Variants in PITPNC1 observed in about 807,000 individuals in gnomAD.
The protein encoded by PITPNC1 is cytoplasmic phosphatidylinositol transfer protein 1.
Under a neutral mutation model 44.7 loss-of-function variants are expected in PITPNC1, and 18 were observed. The ratio of observed to expected loss-of-function variants is 0.40; its 90% CI spans 0.28 to 0.60. The LOEUF is 0.60. Among genes scored for constraint, PITPNC1 ranks in the 20% least tolerant of loss-of-function variants. The pLI is 0.39. For missense variants in PITPNC1, 290 were observed against 418.4 expected (o/e 0.69, Z 2.68); for synonymous variants, 141 against 149.6 (o/e 0.94, Z 0.42).
intron 1 of PITPNC1, among the ~76,000 whole-genome samples, chr17:67,409,233 C>G (rs570318748): frequency 6.6e-6 from 1 of 150,912 alleles, no homozygotes; most frequent in Non-Finnish European, 1.5e-5. Context: ...TACAGGCGCC[C>G]GCCACCGCGC....
rs148625787 is a variant in PITPNC1, at chr17:67,675,785, T to C, written c.682+243T>C. On this transcript the variant is annotated intron_variant, in intron 8 of 8. Transcript: ENST00000581322. ...GGATGTTTGATGCTTACATAGTTGATACGCATGGCTCCATCATTCTCTGTT... is the reference window on the plus strand; with the variant it reads ...GGATGTTTGATGCTTACATAGTTGACACGCATGGCTCCATCATTCTCTGTT... 1.5e-4 allele frequency among the ~76,000 whole-genome samples: 23 copies of C among 152,356 alleles called. No homozygotes were observed. The East Asian group carries it at 4.2e-3, about 28-fold the overall frequency.
Position 67,620,169 on chromosome 17 carries a change from TC to T in PITPNC1, c.367-11973del, listed in dbSNP as rs2041811831. Among the ~76,000 whole-genome samples the T allele has an allele frequency of 5.9e-5, 9 of 152,224 alleles. No homozygotes were observed. The South Asian group carries it at 1.9e-3, about 32-fold the overall frequency. ...CCCAGACTCAAAAGGTCCTCCTGCC[TC>T]AGCCTCCCAAGTAGCTGGGATCATA... On this transcript the variant is annotated intron_variant, in intron 5 of 8. Transcript: ENST00000581322.
At chr17:67,689,116 C>T (rs572595586) in intron 8 of PITPNC1, among the ~76,000 whole-genome samples, 228 of 152,246 alleles carry the variant, frequency 1.5e-3, no homozygotes, top group African/African-American at 5.4e-3. Flanking sequence ...GCAGGAGAAT[C>T]GTTTGAACCC....
intron 5 of PITPNC1, among the ~76,000 whole-genome samples, chr17:67,583,178 C>G (rs1035780688): frequency 2.6e-5 from 4 of 152,134 alleles, no homozygotes; most frequent in African/African-American, 9.7e-5. Flanking sequence ...GCAGTGTGTG[C>G]AGTTTTAGAG....
intron 4 of PITPNC1, among the ~76,000 whole-genome samples, chr17:67,570,027 G>A (rs2041031951): frequency 6.6e-6 from 1 of 152,194 alleles, no homozygotes; most frequent in African/African-American, 2.4e-5. Context: ...GGACAGGCGT[G>A]CTTTTTTGCC....
At position 67,687,466 on chromosome 17, in the gene PITPNC1, G is replaced by A. The variant is rs76253357; in HGVS notation, c.683-5106G>A. On this transcript the variant is annotated intron_variant, in intron 8 of 8. Coordinates refer to ENST00000581322, the MANE Select transcript of PITPNC1 (RefSeq NM_012417.4). The stretch of plus-strand genomic sequence containing the variant: ...TTTTGTGGGACTAGTAAAACGGCCT[G>A]CACCATAAAAGAGCAGAGGAGTGAA... Among the ~76,000 whole-genome samples the A allele has an allele frequency of 2.6e-5, 4 of 152,322 alleles. No homozygotes were observed. In the East Asian group the frequency reaches 7.7e-4, roughly 29 times the overall value.
At chr17:67,489,945 T>C (rs1161994736) in intron 1 of PITPNC1, among the ~76,000 whole-genome samples, 4 of 152,060 alleles carry the variant, frequency 2.6e-5, no homozygotes, top group African/African-American at 7.2e-5. Context: ...GGTTTCACCA[T>C]GTTGGCCAGG....
chr17:67,427,241 C>T (rs1015217814), intron 1 of PITPNC1, among the ~76,000 whole-genome samples: 4 of 152,096 alleles, frequency 2.6e-5, no homozygotes, highest in African/African-American at 9.7e-5. Context: ...GACAGAGTCT[C>T]GCTCTGCTGC....
intron 4 of PITPNC1, among the ~76,000 whole-genome samples, chr17:67,564,183 GGA>G (rs1472714410): frequency 6.6e-6 from 1 of 151,974 alleles, no homozygotes; most frequent in Non-Finnish European, 1.5e-5. Flanking sequence ...ATGGATGGAT[GGA>G]TGGATGGATG....
At chr17:67,474,091 G>A (rs888697537) in intron 1 of PITPNC1, among the ~76,000 whole-genome samples, 4 of 152,200 alleles carry the variant, frequency 2.6e-5, no homozygotes, top group South Asian at 2.1e-4. Flanking sequence ...AGCAGGAGGT[G>A]TGGGGAGGAG....
At chr17:67,409,352 G>A (rs1481334423) in intron 1 of PITPNC1, among the ~76,000 whole-genome samples, 1 of 151,878 alleles carries the variant, frequency 6.6e-6, no homozygotes, top group African/African-American at 2.4e-5. Context: ...CCAAAGTGCT[G>A]GGATTACAGG....
intron 2 of PITPNC1, among the ~76,000 whole-genome samples, chr17:67,537,582 A>G (rs1165820551): frequency 6.6e-6 from 1 of 152,230 alleles, no homozygotes; most frequent in Non-Finnish European, 1.5e-5. Context: ...TACCATATTC[A>G]TGGACGGGAA....
intron 8 of PITPNC1, among the ~76,000 whole-genome samples, chr17:67,685,532 A>G (rs2144456168): frequency 6.6e-6 from 1 of 152,344 alleles, no homozygotes; most frequent in Non-Finnish European, 1.5e-5. Context: ...ACCTAAGGAA[A>G]AATTCCAGCT....
intron 1 of PITPNC1, among the ~76,000 whole-genome samples, chr17:67,470,226 T>C (rs55700176): frequency 0.24 from 37,024 of 152,100 alleles, 5,325 homozygotes; most frequent in Non-Finnish European, 0.33. Context: ...CCTGGCCATA[T>C]TGTGATATAG....
intron 1 of PITPNC1, among the ~76,000 whole-genome samples, chr17:67,391,375 A>G (rs2038137263): frequency 6.6e-6 from 1 of 152,136 alleles, no homozygotes; most frequent in African/African-American, 2.4e-5. Flanking sequence ...GCACAAAAAC[A>G]CACACATTCT....
intron 1 of PITPNC1, among the ~76,000 whole-genome samples, chr17:67,405,779 G>A (rs991144400): frequency 1.3e-5 from 2 of 151,688 alleles, no homozygotes; most frequent in Non-Finnish European, 2.9e-5. Context: ...CTAATTTTTT[G>A]TATTTTTAGT....
At chr17:67,569,564 A>G (rs1173490314) in intron 4 of PITPNC1, among the ~76,000 whole-genome samples, 3 of 152,222 alleles carry the variant, frequency 2.0e-5, no homozygotes, top group African/African-American at 7.2e-5. Context: ...TCACTTTTCA[A>G]TAAGAGGTTC....
chr17:67,552,794 C>T (rs751602260), intron 3 of PITPNC1, among the ~76,000 whole-genome samples: 6 of 132,688 alleles, frequency 4.5e-5, no homozygotes, highest in Non-Finnish European at 7.7e-5. Context: ...GGCAACACAG[C>T]GAGACTCCGT....
intron 1 of PITPNC1, among the ~76,000 whole-genome samples, chr17:67,528,054 T>G (rs1010992502): frequency 6.6e-6 from 1 of 152,154 alleles, no homozygotes; most frequent in Non-Finnish European, 1.5e-5. Flanking sequence ...TTGTTTTTGT[T>G]TTTTTGAGAC....
Sources: allele counts gnomAD v4.1 joint callset (sites outside exome capture counted in the v4.1 genomes callset), GRCh38; gene constraint gnomAD v4.1.1; transcripts MANE v1.5; gene names NCBI Gene and HGNC (gene_info 2026-07-23, HGNC 2026-07-21).